RBM27: variants seen among roughly 807,000 people sequenced by gnomAD.
The protein encoded by RBM27 is RNA binding motif protein 27, also known as RNA-binding protein 27.
A neutral mutation model predicts 135.3 loss-of-function variants in RBM27; 22 were observed. The observed-to-expected ratio is 0.16, with a 90% CI of 0.12 to 0.23. The LOEUF (loss-of-function observed/expected upper bound fraction) is 0.23. RBM27 is among the 10% of genes least tolerant of loss of function. The probability of loss-of-function intolerance (pLI) is 1.00; values close to 1 mark genes in which losing one functional copy is unlikely to be tolerated. For missense variants in RBM27, 1,009 were observed against 1,281.0 expected, an observed-to-expected ratio of 0.79 and a Z score of 3.24; for synonymous variants, 481 against 442.4, an observed-to-expected ratio of 1.09 and a Z score of -1.10.
At chr5:146,281,141 C>G (rs1759335914) in intron 19 of RBM27, among the ~76,000 whole-genome samples, 1 of 152,064 alleles carries the variant, frequency 6.6e-6, no homozygotes, top group South Asian at 2.1e-4. Context: ...CTGCGCCCAG[C>G]CTTTGCAGTC....
At chr5:146,279,460 CA>C (rs151135547) in intron 19 of RBM27, among the ~76,000 whole-genome samples, 69 of 131,696 alleles carry the variant, frequency 5.2e-4, no homozygotes, top group Non-Finnish European at 1.0e-3. Context: ...AACAAAAAAA[CA>C]AAAAAAAAAC....
intron 8 of RBM27, among the ~76,000 whole-genome samples, chr5:146,246,591 A>G (rs777155863): frequency 1.3e-5 from 2 of 152,172 alleles, no homozygotes; most frequent in African/African-American, 4.8e-5. Flanking sequence ...GCAGGGGAAG[A>G]TACCTTGAGG....
At position 146,223,450 on chromosome 5, in the gene RBM27, A is replaced by G. The variant is rs576807021; in HGVS notation, c.226A>G (p.Asn76Asp). ...DKLFESLYTK[N>D]YLPLLEPVKP... ...ACTATTTGAAAGTCTCTATACTAAGAACTACCTTCCACTTTTGGAACCAGT... is the reference window on the plus strand; with the variant it reads ...ACTATTTGAAAGTCTCTATACTAAGGACTACCTTCCACTTTTGGAACCAGT... The change falls in exon 3 of 21, where the codon AAC (asparagine) becomes GAC (aspartate). Residue 76 changes from asparagine to aspartate, a missense_variant. By Grantham distance (23) the Asn-to-Asp change is conservative. Transcript: ENST00000265271. 13 of 1,610,452 alleles carry G rather than the reference A, an allele frequency of 8.1e-6. No individual in the cohort carries two copies. In the Admixed American group the frequency reaches 1.7e-4, roughly 21 times the overall value.
At chr5:146,212,494 G>A (rs983969504) in intron 1 of RBM27, among the ~76,000 whole-genome samples, 13 of 151,594 alleles carry the variant, frequency 8.6e-5, no homozygotes, top group Admixed American at 8.6e-4. Flanking sequence ...GACTATAGGT[G>A]CATGCCACCA....
At chr5:146,266,977 A>G (rs1758643049) in intron 14 of RBM27, among the ~76,000 whole-genome samples, 1 of 152,192 alleles carries the variant, frequency 6.6e-6, no homozygotes, top group Admixed American at 6.5e-5. Flanking sequence ...GTAGCTTAAT[A>G]CTTAGAAGGA....
At chr5:146,262,428 C>T (rs1172338822) in intron 13 of RBM27, among the ~76,000 whole-genome samples, 2 of 152,134 alleles carry the variant, frequency 1.3e-5, no homozygotes, top group South Asian at 2.1e-4. Flanking sequence ...CATTCTATCC[C>T]TAGTGCCTAA....
intron 14 of RBM27, among the ~76,000 whole-genome samples, chr5:146,267,236 T>C (rs527617517): frequency 4.6e-5 from 7 of 152,200 alleles, no homozygotes; most frequent in African/African-American, 1.4e-4. Context: ...AAATCTTACC[T>C]GGAATGAGGC....
chr5:146,275,561 C>T lies in RBM27; in HGVS notation c.2988+3887C>T, dbSNP rs1759062273. ...GGATTATAGGCATGAGCCACTGCGC[C>T]CGGCCCAGAAAGAACTTTTTAAAAA... On this transcript the variant is annotated intron_variant, in intron 19 of 20. Coordinates refer to ENST00000265271, the MANE Select transcript of RBM27 (RefSeq NM_018989.2). Among the ~76,000 whole-genome samples, 4 of 152,158 alleles carry T rather than the reference C, an allele frequency of 2.6e-5. No homozygotes were observed. In the South Asian group the frequency reaches 8.3e-4, roughly 32 times the overall value.
intron 14 of RBM27, among the ~76,000 whole-genome samples, chr5:146,266,152 A>T (rs1758606427): frequency 6.6e-6 from 1 of 152,136 alleles, no homozygotes; most frequent in African/African-American, 2.4e-5. Flanking sequence ...GTCAAAGATT[A>T]CTAGAGTCCT....
chr5:146,225,865 C>A (rs1174788741), intron 3 of RBM27, among the ~76,000 whole-genome samples: 1 of 151,628 alleles, frequency 6.6e-6, no homozygotes, highest in Non-Finnish European at 1.5e-5. Flanking sequence ...CAGCTGGCCA[C>A]CTTTCTGGTT....
intron 19 of RBM27, among the ~76,000 whole-genome samples, chr5:146,281,445 A>G (rs1438194956): frequency 2.6e-5 from 4 of 152,208 alleles, no homozygotes; most frequent in South Asian, 2.1e-4. Flanking sequence ...GTGACCCTCT[A>G]AAACAGGAGT....
intron 8 of RBM27, among the ~76,000 whole-genome samples, chr5:146,239,206 A>G (rs997613578): frequency 1.2e-4 from 18 of 152,140 alleles, no homozygotes; most frequent in African/African-American, 4.1e-4. Context: ...TTTTCTTTGA[A>G]GTAGCCCTTT....
intron 11 of RBM27, among the ~76,000 whole-genome samples, chr5:146,259,898 G>A (rs888312646): frequency 4.8e-5 from 7 of 146,734 alleles, no homozygotes; most frequent in African/African-American, 1.8e-4. Flanking sequence ...GCGTGAACCC[G>A]GGAAGCAGAG....
At chr5:146,208,109 A>G (rs1755780305) in intron 1 of RBM27, among the ~76,000 whole-genome samples, 1 of 151,674 alleles carries the variant, frequency 6.6e-6, no homozygotes, top group East Asian at 1.9e-4. Context: ...GGTGCCCGCC[A>G]CTACGCCCAG....
chr5:146,276,107 C>T (rs776765512), intron 19 of RBM27, among the ~76,000 whole-genome samples: 1 of 151,802 alleles, frequency 6.6e-6, no homozygotes, highest in African/African-American at 2.4e-5. Flanking sequence ...TTTACTGTTA[C>T]TTCTTGATTT....
At chr5:146,203,866 T>C in intron 1 of RBM27, 42 bp downstream of exon 1, 1 of 1,272,340 alleles carries the variant, frequency 7.9e-7, no homozygotes, top group East Asian at 4.4e-5. Context: ...AACGTGGGCG[T>C]TGGGGGCTCG....
chr5:146,250,655 A>T (rs1359318487), intron 8 of RBM27, among the ~76,000 whole-genome samples: 2 of 151,310 alleles, frequency 1.3e-5, no homozygotes, highest in Non-Finnish European at 2.9e-5. Context: ...GCATTCTTGC[A>T]TTAGCCTATA....
chr5:146,251,052 GGC>G (rs1757863911), intron 8 of RBM27, among the ~76,000 whole-genome samples: 1 of 142,612 alleles, frequency 7.0e-6, no homozygotes, highest in Non-Finnish European at 1.6e-5. Flanking sequence ...TGGGATTACA[GGC>G]GTGAGCCACG....
intron 8 of RBM27, among the ~76,000 whole-genome samples, chr5:146,246,987 A>G (rs1436026152): frequency 6.7e-6 from 1 of 149,292 alleles, no homozygotes; most frequent in Non-Finnish European, 1.5e-5. Context: ...TCTCAGCCTC[A>G]TGAGTAGCTG....
Sources: allele counts gnomAD v4.1 joint callset (sites outside exome capture counted in the v4.1 genomes callset), GRCh38; gene constraint gnomAD v4.1.1; transcripts MANE v1.5; gene names NCBI Gene and HGNC (gene_info 2026-07-23, HGNC 2026-07-21).